The following MAGEA12 variants were observed in gnomAD, a reference collection of about 807,000 sequenced individuals.
The protein encoded by MAGEA12 is melanoma-associated antigen 12.
For missense variants in MAGEA12, 235 were observed against 240.1 expected, an observed-to-expected ratio of 0.98 and a Z score of 0.14; for synonymous variants, 135 against 104.7, an observed-to-expected ratio of 1.29 and a Z score of -1.77.
In MAGEA12 at chrX:152,736,173, G is replaced by A. The variant is rs1556226155; in HGVS notation, c.12G>A (p.Glu4=). The part of the protein sequence containing the change: MPL[E]QRSQHCKPEE... The stretch of plus-strand genomic sequence containing the variant: ...TGACCAGAGTCATCATGCCACTTGA[G>A]CAGAGGAGTCAGCACTGCAAGCCTG... The change falls in exon 3 of 3, where the codon GAG becomes GAA. Residue 4 remains glutamate (E), a synonymous_variant. Coordinates refer to ENST00000393869, the MANE Select transcript of MAGEA12 (RefSeq NM_001166387.4). 1 of 1,211,598 alleles carries A rather than the reference G, an allele frequency of 8.3e-7. No individual in the cohort carries two copies. Among genetic ancestry groups the A allele is most frequent in the South Asian group, 1.8e-5 (1 of 56,904 alleles).
rs782103300 is a variant in MAGEA12 at position 152,736,200 on chromosome X, G to A, written c.39G>A (p.Glu13=). The A allele has an allele frequency of 9.9e-6, 12 of 1,210,239 alleles. No individual in the cohort carries two copies. Among genetic ancestry groups the A allele is most frequent in the African/African-American group, 3.5e-5 (2 of 57,188 alleles). Residue 13 remains glutamate (E), a synonymous_variant, in exon 3 of 3, where the codon GAG becomes GAA. Transcript: ENST00000393869. ...LEQRSQHCKP[E]EGLEAQGEAL... is the part of the protein sequence containing the mutation. ...AGAGGAGTCAGCACTGCAAGCCTGA[G>A]GAAGGCCTTGAGGCCCAAGGAGAGG...
chrX:152,734,776 G>C (rs1475362980), intron 1 of MAGEA12, among the ~76,000 whole-genome samples: 1 of 112,312 alleles, frequency 8.9e-6, no homozygotes, highest in Non-Finnish European at 1.9e-5. Context: ...AGGATCTGCC[G>C]GACCCAAGGT....
chrX:152,736,027 T>A, intron 2 of MAGEA12, 60 bp from the exon 3 acceptor site: 1 of 663,279 alleles, frequency 1.5e-6, no homozygotes, highest in Admixed American at 3.6e-5. Flanking sequence ...TGTCATTCCT[T>A]CAGCCTCAGC....
rs782730790 is a variant in MAGEA12 at position 152,735,864 on chromosome X, G to A, written c.-75-223G>A. The stretch of plus-strand genomic sequence containing the variant: ...AATCAGGAGTTCCAAGAACAAGGCA[G>A]TGAGGCCTTGGTCTGAGGCAGTGTC... On this transcript the variant is annotated intron_variant, in intron 2 of 2. Transcript: ENST00000393869. Among the ~76,000 whole-genome samples, 12 of 112,412 alleles carry A rather than the reference G, an allele frequency of 1.1e-4. No individual in the cohort carries two copies. The East Asian group carries it at 3.1e-3, about 29-fold the overall frequency.
At position 152,735,247 on chromosome X, in the gene MAGEA12, C is replaced by A; in HGVS notation, c.-82C>A. 8.2e-6 allele frequency: 1 copy of A among 122,679 alleles called. No individual in the cohort carries two copies. The allele number at this position is 122,679 out of a possible 1,213,427, so 10.1% of individuals were successfully genotyped here. A position where few individuals can be genotyped will look rare whatever the true frequency, so the allele number is the denominator to read the frequency against. On this transcript the variant is annotated 5_prime_UTR_variant, in exon 2 of 3. Coordinates refer to ENST00000393869, the MANE Select transcript of MAGEA12 (RefSeq NM_001166387.4). ...CACAGTGGTCCTAAGATCTACCAAGCATCCAGGTGAGAAGCCTGAGGTAGG... is the reference window on the plus strand; with the variant it reads ...CACAGTGGTCCTAAGATCTACCAAGAATCCAGGTGAGAAGCCTGAGGTAGG...
rs1444917354 is a variant in MAGEA12 at position 152,736,308 on chromosome X, C to T, written c.147C>T (p.Thr49=). The change falls in exon 3 of 3, where the codon ACC becomes ACT. Residue 49 remains threonine, a synonymous_variant. Coordinates refer to ENST00000393869, the MANE Select transcript of MAGEA12 (RefSeq NM_001166387.4). ...CCTCCTCTACTCTAGTGGAAGTCAC[C>T]CTGCGGGAGGTGCCTGCTGCCGAGT... ...ASSSSTLVEV[T]LREVPAAESP... 1.7e-6 allele frequency: 2 copies of T among 1,209,353 alleles called. No individual in the cohort carries two copies. Among genetic ancestry groups the T allele is most frequent in the Non-Finnish European group, 2.2e-6 (2 of 894,965 alleles).
Position 152,736,788 on chromosome X carries a change from C to T in MAGEA12, c.627C>T (p.Ile209=), listed in dbSNP as rs782675393. The change falls in exon 3 of 3, where the codon ATC becomes ATT. Residue 209 remains isoleucine, a synonymous_variant. Transcript: ENST00000393869. ...TCCTGATAATCGTCCTGGCCATAAT[C>T]GCAAAAGAGGGCGACTGTGCCCCTG... ...TGLLIIVLAI[I]AKEGDCAPEE... The T allele has an allele frequency of 4.0e-5, 49 of 1,210,147 alleles. No individual in the cohort carries two copies. Among genetic ancestry groups the T allele is most frequent in the Middle Eastern group, 2.3e-4 (1 of 4,376 alleles).
rs1264063139 is a variant in MAGEA12 at position 152,735,891 on chromosome X, TGAGGTCACAGAGCAGAGGGGGTGCA to T, written c.-75-193_-75-169del. 3.5e-4 allele frequency among the ~76,000 whole-genome samples: 39 copies of T among 112,434 alleles called. 1 individual carries two copies. The highest frequency in any genetic ancestry group is 1.5e-3 in the Admixed American group (16 of 10,769). ...GAGGCCTTGGTCTGAGGCAGTGTCC[TGAGGTCACAGAGCAGAGGGGGTGCA>T]GACAGTGCCAACACTGAAGGTTTGC... On this transcript the variant is annotated intron_variant, in intron 2 of 2. Transcript: ENST00000393869.
chrX:152,735,681 C>G (rs1213377187), intron 2 of MAGEA12, among the ~76,000 whole-genome samples: 1 of 112,234 alleles, frequency 8.9e-6, no homozygotes, highest in Non-Finnish European at 1.9e-5. Flanking sequence ...TTAGGCCCTG[C>G]AAGGAGAAAG....
chrX:152,734,759 G>A (rs183893662), intron 1 of MAGEA12, among the ~76,000 whole-genome samples: 81 of 112,312 alleles, frequency 7.2e-4, no homozygotes, highest in Non-Finnish European at 1.2e-3. Context: ...GCAGAGGGAG[G>A]AATCCCAGGA....
Position 152,736,267 on chromosome X carries a change from C to T in MAGEA12, c.106C>T (p.Gln36Ter), listed in dbSNP as rs1297646530. The T allele has an allele frequency of 8.3e-7, 1 of 1,209,454 alleles. No individual in the cohort carries two copies. Among genetic ancestry groups the T allele is most frequent in the Non-Finnish European group, 1.1e-6 (1 of 894,875 alleles). ...VGAQAPATEE[Q>*]ETASSSSTLV... ...TGCGCAGGCTCCTGCTACTGAGGAG[C>T]AGGAGACTGCCTCCTCCTCCTCTAC... The change falls in exon 3 of 3, where the codon CAG becomes TAG. Residue 36 changes from glutamine (Q) to a stop codon, truncating the protein, a stop_gained. Transcript: ENST00000393869. LOFTEE classifies it low-confidence loss of function (END_TRUNC).
In MAGEA12 at chrX:152,737,136, T is replaced by C. The variant is rs1932345512; in HGVS notation, c.*30T>C. On this transcript the variant is annotated 3_prime_UTR_variant, in exon 3 of 3. Coordinates refer to ENST00000393869, the MANE Select transcript of MAGEA12 (RefSeq NM_001166387.4). ...GAGCACGAGTTGCAGCCAGGGCCAGTGGGAGGGGGTCTGGGCCAGTGCACC... is the reference window on the plus strand; with the variant it reads ...GAGCACGAGTTGCAGCCAGGGCCAGCGGGAGGGGGTCTGGGCCAGTGCACC... 8.4e-7 allele frequency: 1 copy of C among 1,186,851 alleles called. No homozygotes were observed. The highest frequency in any genetic ancestry group is 1.1e-6 in the Non-Finnish European group (1 of 875,058).
At position 152,737,622 on chromosome X, in the gene MAGEA12, T is replaced by G; in HGVS notation, c.*516T>G. 1 of 187,580 alleles carries G rather than the reference T, an allele frequency of 5.3e-6. No homozygotes were observed. Among genetic ancestry groups the G allele is most frequent in the Non-Finnish European group, 1.0e-5 (1 of 95,787 alleles). The allele number at this position is 187,580 out of a possible 1,213,427, so 15.5% of individuals were successfully genotyped here. A position where few individuals can be genotyped will look rare whatever the true frequency, so the allele number is the denominator to read the frequency against. On this transcript the variant is annotated 3_prime_UTR_variant, in exon 3 of 3. Transcript: ENST00000393869. Reference sequence around the variant, plus strand: ...AAAAAAAAGCATGGATACCTGGATATCCTTGGCTTCTTTGAGAATTTAAGA... The same window carrying G: ...AAAAAAAAGCATGGATACCTGGATAGCCTTGGCTTCTTTGAGAATTTAAGA...
At chrX:152,734,683 A>G (rs185115526) in intron 1 of MAGEA12, among the ~76,000 whole-genome samples, 97 of 111,921 alleles carry the variant, frequency 8.7e-4, no homozygotes, top group African/African-American at 2.6e-3. Flanking sequence ...AATGTGCCCC[A>G]TGCTCATTGC....
chrX:152,734,609 G>C (rs1556226789), intron 1 of MAGEA12, among the ~76,000 whole-genome samples: 2 of 112,182 alleles, frequency 1.8e-5, no homozygotes, highest in East Asian at 5.6e-4. Context: ...AGGGAGGACT[G>C]AGGGGACCTT....
Sources: allele counts gnomAD v4.1 joint callset (sites outside exome capture counted in the v4.1 genomes callset), GRCh38; gene constraint gnomAD v4.1.1; transcripts MANE v1.5; gene names NCBI Gene and HGNC (gene_info 2026-07-23, HGNC 2026-07-21).